The following REL variants were observed in gnomAD, a reference collection of about 807,000 sequenced individuals.
REL encodes the protein proto-oncogene c-Rel.
REL carries 15 observed loss-of-function variants against 45.9 expected under a neutral mutation model. The ratio of observed to expected loss-of-function variants is 0.33; its 90% CI spans 0.22 to 0.50. The LOEUF (loss-of-function observed/expected upper bound fraction) is 0.50. Ranked by LOEUF, REL falls within the 20% of genes least tolerant of loss-of-function variation. REL has a pLI of 0.98. For missense variants in REL, 601 were observed against 715.2 expected (o/e 0.84, Z 1.82); for synonymous variants, 239 against 242.1 (o/e 0.99, Z 0.12).
chr2:60,890,158 G>T (rs889191113), intron 1 of REL, among the ~76,000 whole-genome samples: 3 of 152,112 alleles, frequency 2.0e-5, no homozygotes, highest in African/African-American at 7.2e-5. Context: ...GTGTAAGATG[G>T]TATCTCATTG....
At chr2:60,916,273 G>C (rs1055322748) in intron 4 of REL, among the ~76,000 whole-genome samples, 3 of 152,156 alleles carry the variant, frequency 2.0e-5, no homozygotes, top group Non-Finnish European at 4.4e-5. Context: ...AATTAGCTGG[G>C]CGTGGTGGCA....
chr2:60,891,101 C>T (rs1042318378), intron 1 of REL, among the ~76,000 whole-genome samples: 1 of 152,080 alleles, frequency 6.6e-6, no homozygotes, highest in African/African-American at 2.4e-5. Flanking sequence ...TAAAGTCCCT[C>T]CTGGGGCTTG....
chr2:60,910,562 T>C (rs1177066152), intron 4 of REL, among the ~76,000 whole-genome samples: 2 of 151,790 alleles, frequency 1.3e-5, no homozygotes, highest in East Asian at 3.9e-4. Context: ...CAAAGTGAAA[T>C]TTTAAACTAG....
chr2:60,909,722 G>A (rs1330606142), intron 4 of REL, among the ~76,000 whole-genome samples: 1 of 152,164 alleles, frequency 6.6e-6, no homozygotes, highest in Non-Finnish European at 1.5e-5. Flanking sequence ...CCAACATAAT[G>A]AAACCCTATC....
In REL at chr2:60,922,419, A is replaced by G. The variant is rs1322212266; in HGVS notation, c.1648A>G (p.Asn550Asp). ...NSMINESGPSNSTNPNSHGFV... is the reference protein window; with the variant it reads ...NSMINESGPSDSTNPNSHGFV... The stretch of plus-strand genomic sequence containing the variant: ...CATGATAAATGAGTCGGGACCATCA[A>G]ACAGTACTAATCCAAACAGTCATGG... Residue 550 changes from asparagine (N) to aspartate (D), a missense_variant, in exon 10 of 10, where the codon AAC (asparagine) becomes GAC (aspartate). Coordinates refer to ENST00000394479, the MANE Select transcript of REL (RefSeq NM_001291746.2). The G allele has an allele frequency of 1.5e-5, 24 of 1,614,066 alleles. No homozygotes were observed. Among genetic ancestry groups the G allele is most frequent in the Non-Finnish European group, 2.0e-5 (24 of 1,179,994 alleles).
intron 3 of REL, among the ~76,000 whole-genome samples, chr2:60,897,260 T>C (rs1673373436): frequency 6.6e-6 from 1 of 152,096 alleles, no homozygotes; most frequent in Non-Finnish European, 1.5e-5. Context: ...CTTTTTTACT[T>C]TCTGACAAAA....
At position 60,931,273 on chromosome 2, in the gene REL, G is replaced by C. The variant is rs1232818282; in HGVS notation, c.*8738G>C. 2 of 152,342 alleles carry C rather than the reference G, an allele frequency of 1.3e-5. No homozygotes were observed. Among genetic ancestry groups the C allele is most frequent in the African/African-American group, 4.8e-5 (2 of 41,454 alleles). 9.4% of individuals were successfully genotyped at this position (152,342 alleles called of 1,614,324 possible). A position where few individuals can be genotyped will look rare whatever the true frequency, so the allele number is the denominator to read the frequency against. On this transcript the variant is annotated 3_prime_UTR_variant, in exon 10 of 10. Coordinates refer to ENST00000394479, the MANE Select transcript of REL (RefSeq NM_001291746.2). Reference sequence around the variant, plus strand: ...TTCTTAAATGTATGGTTTTTGACCAGGTGAACCCTTTAGAAGTGATTTCTG... The same window carrying C: ...TTCTTAAATGTATGGTTTTTGACCACGTGAACCCTTTAGAAGTGATTTCTG...
chr2:60,886,525 G>T (rs533554691), intron 1 of REL, among the ~76,000 whole-genome samples: 1 of 152,096 alleles, frequency 6.6e-6, no homozygotes, highest in African/African-American at 2.4e-5. Context: ...GTTTTATCAT[G>T]TGTAAGATGG....
rs917953934 is a variant in REL, at chr2:60,927,942, G to C, written c.*5407G>C. 4.1e-5 allele frequency: 9 copies of C among 217,704 alleles called. No individual in the cohort carries two copies. Among genetic ancestry groups the C allele is most frequent in the Non-Finnish European group, 6.5e-5 (7 of 108,370 alleles). 13.5% of individuals were successfully genotyped at this position (217,704 alleles called of 1,614,324 possible). ...AATAACTGGGCTTCTCACAACCATA[G>C]TGAACAGAAACAGCTGGGTTGTCAA... is the stretch of plus-strand genomic sequence containing the variant. On this transcript the variant is annotated 3_prime_UTR_variant, in exon 10 of 10. Coordinates refer to ENST00000394479, the MANE Select transcript of REL (RefSeq NM_001291746.2).
chr2:60,918,356 T>A, intron 6 of REL, 38 bp from the exon 7 acceptor site: 2 of 1,577,694 alleles, frequency 1.3e-6, no homozygotes, highest in Non-Finnish European at 1.7e-6. Context: ...AGTTACTTTG[T>A]TTTCCCATTT....
chr2:60,907,068 C>T (rs555133320), intron 4 of REL, among the ~76,000 whole-genome samples: 17 of 151,392 alleles, frequency 1.1e-4, no homozygotes, highest in Admixed American at 2.0e-4. Flanking sequence ...TACAGGCACG[C>T]GCCACCATGC....
At chr2:60,891,927 G>T in intron 2 of REL, 102 bp downstream of exon 2, 6 of 1,156,674 alleles carry the variant, frequency 5.2e-6, no homozygotes, top group South Asian at 2.1e-5. Flanking sequence ...CATCTCCACA[G>T]GTTTATCTTT....
In REL at chr2:60,922,594, T is replaced by C. The variant is rs1449736538; in HGVS notation, c.*59T>C. On this transcript the variant is annotated 3_prime_UTR_variant, in exon 10 of 10. Coordinates refer to ENST00000394479, the MANE Select transcript of REL (RefSeq NM_001291746.2). ...CCACCTATATAGATGCAGCATTTTG[T>C]ATTTGTCTAACTGGGGATATAATAC... 6.8e-7 allele frequency: 1 copy of C among 1,473,054 alleles called. No individual in the cohort carries two copies. The allele number at this position is 1,473,054 out of a possible 1,614,324, so 91.2% of individuals were successfully genotyped here. A position where few individuals can be genotyped will look rare whatever the true frequency, so the allele number is the denominator to read the frequency against.
chr2:60,931,167 T>C lies in REL; in HGVS notation c.*8632T>C, dbSNP rs1221587374. Reference sequence around the variant, plus strand: ...CAATTTTTACTGGGTAATTAGCTAATAATGTTGGTCACTGTCTCACAGTTC... The same window carrying C: ...CAATTTTTACTGGGTAATTAGCTAACAATGTTGGTCACTGTCTCACAGTTC... On this transcript the variant is annotated 3_prime_UTR_variant, in exon 10 of 10. Coordinates refer to ENST00000394479, the MANE Select transcript of REL (RefSeq NM_001291746.2). The C allele has an allele frequency of 4.6e-5, 7 of 152,318 alleles. No homozygotes were observed. In the East Asian group the frequency reaches 1.3e-3, roughly 29 times the overall value. 9.4% of individuals were successfully genotyped at this position (152,318 alleles called of 1,614,324 possible). A position where few individuals can be genotyped will look rare whatever the true frequency, so the allele number is the denominator to read the frequency against.
chr2:60,898,013 A>G (rs1438160464), intron 3 of REL, among the ~76,000 whole-genome samples: 1 of 152,170 alleles, frequency 6.6e-6, no homozygotes, highest in South Asian at 2.1e-4. Flanking sequence ...CATCTCTGAC[A>G]TTCCTCATCC....
In REL at chr2:60,930,512, G is replaced by C. The variant is rs1484480001; in HGVS notation, c.*7977G>C. On this transcript the variant is annotated 3_prime_UTR_variant, in exon 10 of 10. Coordinates refer to ENST00000394479, the MANE Select transcript of REL (RefSeq NM_001291746.2). ...AGTTTTATGCCTTTTTTTTGCCTAAGACGTAGTCAAATTAATATTTTAACT... is the reference window on the plus strand; with the variant it reads ...AGTTTTATGCCTTTTTTTTGCCTAACACGTAGTCAAATTAATATTTTAACT... The C allele has an allele frequency of 6.6e-6, 1 of 152,150 alleles. No homozygotes were observed. 9.4% of individuals were successfully genotyped at this position (152,150 alleles called of 1,614,324 possible). A position where few individuals can be genotyped will look rare whatever the true frequency, so the allele number is the denominator to read the frequency against.
At chr2:60,903,822 C>A (rs1221019995) in intron 4 of REL, among the ~76,000 whole-genome samples, 1 of 152,042 alleles carries the variant, frequency 6.6e-6, no homozygotes, top group Admixed American at 6.6e-5. Flanking sequence ...TTAGCCACCA[C>A]GCCTGGCCAG....
chr2:60,886,086 T>C lies in REL; in HGVS notation c.10+4236T>C, dbSNP rs1673064413. On this transcript the variant is annotated intron_variant, in intron 1 of 9. Coordinates refer to ENST00000394479, the MANE Select transcript of REL (RefSeq NM_001291746.2). ...TTTTTAGATTACTTCTCTCAATATG[T>C]GCATTGTTGCTTCCACTTCATGTTT... 4.6e-5 allele frequency among the ~76,000 whole-genome samples: 7 copies of C among 152,344 alleles called. No individual in the cohort carries two copies. In the South Asian group the frequency reaches 1.4e-3, roughly 32 times the overall value.
At chr2:60,897,715 T>C (rs34695944) in intron 3 of REL, among the ~76,000 whole-genome samples, 39,097 of 151,822 alleles carry the variant, frequency 0.26, 6,295 homozygotes, top group Non-Finnish European at 0.37. Context: ...CTCAACATAT[T>C]CCCTTAAATG....
Sources: allele counts gnomAD v4.1 joint callset (sites outside exome capture counted in the v4.1 genomes callset), GRCh38; gene constraint gnomAD v4.1.1; transcripts MANE v1.5; gene names NCBI Gene and HGNC (gene_info 2026-07-23, HGNC 2026-07-21).